The following ZNF528 variants were observed in gnomAD, a reference collection of about 807,000 sequenced individuals.
ZNF528 encodes zinc finger protein 528.
Under a neutral mutation model 13.3 loss-of-function variants are expected in ZNF528, and 9 were observed. That is an observed-to-expected ratio of 0.67 (90% CI 0.41 to 1.18). ZNF528 has a LOEUF of 1.18. Among genes scored for constraint, ZNF528 ranks in the 50% most tolerant of loss-of-function variants. The pLI, the probability that ZNF528 is intolerant of heterozygous loss-of-function variation, is 0.01. For missense variants in ZNF528, 858 were observed against 745.4 expected, an observed-to-expected ratio of 1.15 and a Z score of -1.76; for synonymous variants, 264 against 254.3, an observed-to-expected ratio of 1.04 and a Z score of -0.36.
Position 52,406,600 on chromosome 19 carries a change from A to C in ZNF528, c.228A>C (p.Ala76=). ...CTCTGCAGAGTGAAGAGAAAATAGC[A>C]AACGATCCAGACGGCAGGGAGTGCA... ...PWTLQSEEKI[A]NDPDGRECIK... The change falls in exon 6 of 7, where the codon GCA becomes GCC. Residue 76 remains alanine, a synonymous_variant. Coordinates refer to ENST00000360465, the MANE Select transcript of ZNF528 (RefSeq NM_032423.3). 1 of 1,614,122 alleles carries C rather than the reference A, an allele frequency of 6.2e-7. No homozygotes were observed. Among genetic ancestry groups the C allele is most frequent in the Non-Finnish European group, 8.5e-7 (1 of 1,180,006 alleles).
chr19:52,406,559 AAG>A lies in ZNF528; in HGVS notation c.193_194del (p.Asp65SerfsTer7). The A allele has an allele frequency of 6.2e-7, 1 of 1,614,116 alleles. No homozygotes were observed. Among genetic ancestry groups the A allele is most frequent in the Non-Finnish European group, 8.5e-7 (1 of 1,180,016 alleles). On this transcript the variant is annotated frameshift_variant, in exon 6 of 7. Transcript: ENST00000360465. LOFTEE classifies it high-confidence loss of function. Reference sequence around the variant, plus strand: ...GAGTGTTACCTCCATGTTAGAGCAAAAGAGAGATCCCTGGACTCTGCAGAGTG... The same window carrying A: ...GAGTGTTACCTCCATGTTAGAGCAAAAGAGATCCCTGGACTCTGCAGAGTG... ...DLSVTSMLEQ[K>X]RDPWTLQSEE...
At chr19:52,411,380 A>G (rs1378352471) in intron 6 of ZNF528, 1 of 152,224 alleles carries the variant, frequency 6.6e-6, no homozygotes, top group African/African-American at 2.4e-5. Flanking sequence ...AGTCTCTTGG[A>G]ATGGCCGCCG....
chr19:52,414,509 C>T (rs535011023), intron 6 of ZNF528: 79 of 572,664 alleles, frequency 1.4e-4, no homozygotes, highest in African/African-American at 1.4e-3. Context: ...TGATTTACAA[C>T]AGGTTTGCAA....
In ZNF528 at chr19:52,416,512, T is replaced by C. The variant is rs746432189; in HGVS notation, c.1660T>C (p.Cys554Arg). ...TGERPYRCSK[C>R]GKAFRGCSGL... ...AGAGAGGCCTTACAGATGTAGTAAA[T>C]GTGGCAAAGCATTTCGAGGGTGTTC... is the stretch of plus-strand genomic sequence containing the variant. Residue 554 changes from cysteine to arginine, a missense_variant, in exon 7 of 7, where the codon TGT becomes CGT. Physicochemically the swap from Cys to Arg is radical, Grantham distance 180. Coordinates refer to ENST00000360465, the MANE Select transcript of ZNF528 (RefSeq NM_032423.3). The C allele has an allele frequency of 3.1e-6, 5 of 1,614,170 alleles. No homozygotes were observed. The East Asian group carries it at 8.9e-5, about 29-fold the overall frequency.
At chr19:52,401,877 G>T (rs942991678) in intron 3 of ZNF528, 70 bp from the exon 4 acceptor site, 1 of 1,561,898 alleles carries the variant, frequency 6.4e-7, no homozygotes, top group African/African-American at 1.4e-5. Flanking sequence ...TCTTCCCTTT[G>T]TGTGTGGCTA....
At chr19:52,409,836 C>T (rs930282164) in intron 6 of ZNF528, among the ~76,000 whole-genome samples, 1 of 152,052 alleles carries the variant, frequency 6.6e-6, no homozygotes, top group African/African-American at 2.4e-5. Context: ...CTTGTCTTAG[C>T]CTCCTGAGTA....
chr19:52,415,164 T>C lies in ZNF528; in HGVS notation c.312T>C (p.Pro104=). Residue 104 remains proline (P), a synonymous_variant, in exon 7 of 7, where the codon CCT becomes CCC. Coordinates refer to ENST00000360465, the MANE Select transcript of ZNF528 (RefSeq NM_032423.3). ...TGGGAAGTAATGCAGGAAACAAGCC[T>C]TGTAAAAATCAACTTGGATTCACTT... ...SKLGSNAGNK[P]CKNQLGFTFQ... is the part of the protein sequence containing the mutation. 2 of 1,610,498 alleles carry C rather than the reference T, an allele frequency of 1.2e-6. No homozygotes were observed. The highest frequency in any genetic ancestry group is 1.7e-6 in the Non-Finnish European group (2 of 1,178,250).
Position 52,415,428 on chromosome 19 carries a change from C to T in ZNF528, c.576C>T (p.Gly192=), listed in dbSNP as rs1362770379. 1.2e-6 allele frequency: 2 copies of T among 1,614,052 alleles called. No individual in the cohort carries two copies. Among genetic ancestry groups the T allele is most frequent in the African/African-American group, 1.3e-5 (1 of 74,934 alleles). The part of the protein sequence containing the change: ...REKAYKCNEH[G]QVFRASASLT... Reference sequence around the variant, plus strand: ...AAGCTTATAAATGTAATGAGCACGGCCAAGTCTTTAGAGCATCTGCAAGCC... The same window carrying T: ...AAGCTTATAAATGTAATGAGCACGGTCAAGTCTTTAGAGCATCTGCAAGCC... Residue 192 remains glycine (G), a synonymous_variant, in exon 7 of 7, where the codon GGC becomes GGT. Transcript: ENST00000360465.
intron 4 of ZNF528, 126 bp downstream of exon 4, chr19:52,402,154 T>G (rs935705333): frequency 7.5e-7 from 1 of 1,339,730 alleles, no homozygotes; most frequent in African/African-American, 1.5e-5. Context: ...ACCCATGGCT[T>G]CTTCCAGTCC....
At chr19:52,407,243 A>G (rs956202770) in intron 6 of ZNF528, among the ~76,000 whole-genome samples, 50 of 135,190 alleles carry the variant, frequency 3.7e-4, no homozygotes, top group African/African-American at 7.4e-4. Context: ...GGCTCAAGTG[A>G]TTCTCCCACC....
chr19:52,406,097 A>G (rs2058852623), intron 5 of ZNF528, 64 bp downstream of exon 5: 3 of 1,545,814 alleles, frequency 1.9e-6, no homozygotes, highest in Non-Finnish European at 2.6e-6. Context: ...TGTGTCTTAT[A>G]TGCCTCTTGG....
intron 6 of ZNF528, chr19:52,408,168 T>C (rs143370173): frequency 1.3e-5 from 2 of 152,178 alleles, no homozygotes; most frequent in South Asian, 2.1e-4. Flanking sequence ...TATAATGCTT[T>C]TTAAATGAGA....
At chr19:52,405,230 A>C (rs552324227) in intron 4 of ZNF528, among the ~76,000 whole-genome samples, 12 of 151,844 alleles carry the variant, frequency 7.9e-5, no homozygotes, top group African/African-American at 2.4e-4. Context: ...AAAAAAAAAA[A>C]AAACCCAAAA....
chr19:52,405,633 A>G (rs1292521856), intron 4 of ZNF528, among the ~76,000 whole-genome samples: 1 of 151,418 alleles, frequency 6.6e-6, no homozygotes, highest in East Asian at 1.9e-4. Context: ...AAAAATACCT[A>G]ACACTTCTAT....
At chr19:52,414,584 A>G in intron 6 of ZNF528, 1 of 464,038 alleles carries the variant, frequency 2.2e-6, no homozygotes, top group East Asian at 4.2e-5. Context: ...GCATGGCACC[A>G]GGGAGTGATT....
chr19:52,404,969 G>A (rs2058837226), intron 4 of ZNF528, among the ~76,000 whole-genome samples: 1 of 151,942 alleles, frequency 6.6e-6, no homozygotes, highest in Non-Finnish European at 1.5e-5. Flanking sequence ...TGTAATCCCA[G>A]CACTTTAGGA....
At chr19:52,412,349 G>A (rs947474779) in intron 6 of ZNF528, 11 of 152,188 alleles carry the variant, frequency 7.2e-5, no homozygotes, top group South Asian at 2.1e-4. Flanking sequence ...AAGTTAAGGC[G>A]GCCTTTGCCT....
intron 6 of ZNF528, among the ~76,000 whole-genome samples, chr19:52,410,995 A>G (rs974714788): frequency 6.6e-6 from 1 of 152,150 alleles, no homozygotes; most frequent in African/African-American, 2.4e-5. Context: ...AATATTTCCT[A>G]CGTAATGGTA....
rs2059005757 is a variant in ZNF528, at chr19:52,416,442, T to C, written c.1590T>C (p.Phe530=). 1.2e-6 allele frequency: 2 copies of C among 1,614,164 alleles called. No homozygotes were observed. The highest frequency in any genetic ancestry group is 1.3e-5 in the African/African-American group (1 of 75,052). The part of the protein sequence containing the change: ...PYKCNQCGKV[F]NQASYLTRHQ... Reference sequence around the variant, plus strand: ...AATGTAATCAATGTGGCAAGGTCTTTAATCAAGCATCATACCTTACAAGAC... The same window carrying C: ...AATGTAATCAATGTGGCAAGGTCTTCAATCAAGCATCATACCTTACAAGAC... Residue 530 remains phenylalanine, a synonymous_variant, in exon 7 of 7, where the codon TTT becomes TTC. Coordinates refer to ENST00000360465, the MANE Select transcript of ZNF528 (RefSeq NM_032423.3).
Sources: allele counts gnomAD v4.1 joint callset (sites outside exome capture counted in the v4.1 genomes callset), GRCh38; gene constraint gnomAD v4.1.1; transcripts MANE v1.5; gene names NCBI Gene and HGNC (gene_info 2026-07-23, HGNC 2026-07-21).